Variants in CFAP91 observed in about 807,000 individuals in gnomAD.
CFAP91 encodes cilia and flagella associated protein 91, also known as cilia- and flagella-associated protein 91.
A neutral mutation model predicts 95.9 loss-of-function variants in CFAP91; 85 were observed. The observed-to-expected ratio is 0.89, with a 90% CI of 0.74 to 1.06. The LOEUF (loss-of-function observed/expected upper bound fraction) is 1.06. Ranked by LOEUF, CFAP91 falls within the 50% of genes least tolerant of loss-of-function variation. The pLI is 0.00. For synonymous variants in CFAP91, 335 were observed against 327.5 expected (o/e 1.02, Z -0.25); for missense variants, 962 against 943.4 (o/e 1.02, Z -0.26).
chr3:119,712,601 CAT>C (rs1172890347), intron 5 of CFAP91, among the ~76,000 whole-genome samples: 62 of 152,216 alleles, frequency 4.1e-4, no homozygotes, highest in African/African-American at 1.5e-3. Context: ...ATATTATCTA[CAT>C]GTTAGAAATT....
chr3:119,757,359 T>A (rs866184333), intron 17 of CFAP91, among the ~76,000 whole-genome samples: 4 of 152,208 alleles, frequency 2.6e-5, no homozygotes, highest in African/African-American at 9.6e-5. Flanking sequence ...AAATGAAATA[T>A]TTGGCTGGGT....
At chr3:119,723,633 T>C (rs2053725853) in intron 6 of CFAP91, among the ~76,000 whole-genome samples, 1 of 152,204 alleles carries the variant, frequency 6.6e-6, no homozygotes, top group Non-Finnish European at 1.5e-5. Context: ...AAATATTAAA[T>C]AAACATCAGT....
Position 119,766,370 on chromosome 3 carries a change from C to T in CFAP91, c.*1320C>T, listed in dbSNP as rs1008138482. ...CAAACTTGAAAGGGTTCACCTTGCC[C>T]TAGCAAAACTAGGATTGGGACACCT... On this transcript the variant is annotated 3_prime_UTR_variant, in exon 18 of 18. Transcript: ENST00000273390. 6.6e-6 allele frequency: 1 copy of T among 151,928 alleles called. No individual in the cohort carries two copies. Among genetic ancestry groups the T allele is most frequent in the Non-Finnish European group, 1.5e-5 (1 of 67,996 alleles). 9.4% of individuals were successfully genotyped at this position (151,928 alleles called of 1,614,324 possible).
At chr3:119,745,487 T>C (rs921496488) in intron 14 of CFAP91, among the ~76,000 whole-genome samples, 1 of 152,220 alleles carries the variant, frequency 6.6e-6, no homozygotes, top group Non-Finnish European at 1.5e-5. Context: ...GCCACACTTT[T>C]CCTTATTCAC....
chr3:119,706,964 T>A, intron 2 of CFAP91, 79 bp downstream of exon 2: 1 of 1,091,068 alleles, frequency 9.2e-7, no homozygotes, highest in Non-Finnish European at 1.4e-6. Flanking sequence ...TCAGATTGAC[T>A]AATCACCAAA....
chr3:119,746,780 A>G (rs1240970995), intron 14 of CFAP91, among the ~76,000 whole-genome samples: 2 of 152,214 alleles, frequency 1.3e-5, no homozygotes, highest in African/African-American at 2.4e-5. Flanking sequence ...TAGTTTGACC[A>G]AGTCACGTTG....
rs753217599 is a variant in CFAP91, at chr3:119,740,622, A to C, written c.1607A>C (p.Glu536Ala). The C allele has an allele frequency of 6.2e-7, 1 of 1,614,218 alleles. No homozygotes were observed. Among genetic ancestry groups the C allele is most frequent in the Non-Finnish European group, 8.5e-7 (1 of 1,180,044 alleles). ...LRTCHALQED[E>A]KLVKKAEKQV... ...ACCTGCCACGCACTACAAGAAGATG[A>C]AAAGCTGGTGAAAAAAGCCGAGAAG... Residue 536 changes from glutamate (E) to alanine (A), a missense_variant, in exon 13 of 18, where the codon GAA (glutamate) becomes GCA (alanine). Glu to Ala is a moderately radical substitution (Grantham distance 107, BLOSUM62 -1). Transcript: ENST00000273390.
intron 17 of CFAP91, among the ~76,000 whole-genome samples, chr3:119,758,444 T>C (rs1486883901): frequency 6.6e-6 from 1 of 152,206 alleles, no homozygotes; most frequent in Non-Finnish European, 1.5e-5. Flanking sequence ...CATTCCTACA[T>C]ATATTTGCAT....
rs2054641659 is a variant in CFAP91 at position 119,766,979 on chromosome 3, T to C, written c.*1929T>C. ...TTGAAGTTTACTAGGAGAGGAAAACTTTTTCTTGATACCGGCAATCTTTTA... is the reference window on the plus strand; with the variant it reads ...TTGAAGTTTACTAGGAGAGGAAAACCTTTTCTTGATACCGGCAATCTTTTA... On this transcript the variant is annotated 3_prime_UTR_variant, in exon 18 of 18. Coordinates refer to ENST00000273390, the MANE Select transcript of CFAP91 (RefSeq NM_033364.4). 6.6e-6 allele frequency: 1 copy of C among 152,200 alleles called. No homozygotes were observed. The highest frequency in any genetic ancestry group is 2.1e-4 in the South Asian group (1 of 4,826). The allele number at this position is 152,200 out of a possible 1,614,324, so 9.4% of individuals were successfully genotyped here.
Position 119,707,561 on chromosome 3 carries a change from C to G in CFAP91, c.359C>G (p.Thr120Arg). The G allele has an allele frequency of 6.4e-7, 1 of 1,560,150 alleles. No homozygotes were observed. The highest frequency in any genetic ancestry group is 8.7e-7 in the Non-Finnish European group (1 of 1,143,844). ...KHREALRQLT[T>R]TDASFQMPKE... ...AGAGAAGCCCTCCGGCAGCTCACCA[C>G]GTAAGTGTCGGGTGGCTCCAGGGCC... The change falls in exon 3 of 18, where the codon ACA becomes AGA. Residue 120 changes from threonine (T) to arginine (R), a missense_variant and splice_region_variant. By Grantham distance (71) the Thr-to-Arg change is moderately conservative (BLOSUM62 -1). Transcript: ENST00000273390.
Position 119,747,228 on chromosome 3 carries a change from G to A in CFAP91, c.2016G>A (p.Glu672=). ...GGGCAGAAATAGAGAAGATGGCTGA[G>A]AAAATCAATGACATTGCTTATGAAA... ...QARAEIEKMA[E]KINDIAYEME... is the part of the protein sequence containing the mutation. Residue 672 remains glutamate, a synonymous_variant, in exon 15 of 18, where the codon GAG becomes GAA. Coordinates refer to ENST00000273390, the MANE Select transcript of CFAP91 (RefSeq NM_033364.4). 1 of 1,613,638 alleles carries A rather than the reference G, an allele frequency of 6.2e-7. No homozygotes were observed. Among genetic ancestry groups the A allele is most frequent in the South Asian group, 1.1e-5 (1 of 90,972 alleles).
At chr3:119,750,108 G>A (rs1382144923) in intron 16 of CFAP91, 2 of 152,166 alleles carry the variant, frequency 1.3e-5, no homozygotes, top group African/African-American at 4.8e-5. Flanking sequence ...AAACTGCTGA[G>A]TGAATTACCC....
At chr3:119,746,207 G>T (rs1382894342) in intron 14 of CFAP91, among the ~76,000 whole-genome samples, 1 of 152,234 alleles carries the variant, frequency 6.6e-6, no homozygotes, top group African/African-American at 2.4e-5. Flanking sequence ...GGTAAAGGAA[G>T]AAACCATGGT....
chr3:119,742,182 C>T (rs372279491), intron 13 of CFAP91, among the ~76,000 whole-genome samples: 39 of 152,262 alleles, frequency 2.6e-4, no homozygotes, highest in African/African-American at 7.9e-4. Flanking sequence ...ATCGTGTCCG[C>T]CTACAGCTAA....
intron 17 of CFAP91, among the ~76,000 whole-genome samples, chr3:119,753,086 A>G (rs1432506425): frequency 4.6e-5 from 7 of 152,180 alleles, no homozygotes; most frequent in African/African-American, 1.7e-4. Context: ...TTGAACAGAG[A>G]GCTAATAAAG....
At chr3:119,753,775 C>A (rs769765447) in intron 17 of CFAP91, among the ~76,000 whole-genome samples, 83 of 152,326 alleles carry the variant, frequency 5.4e-4, no homozygotes, top group Non-Finnish European at 2.6e-4. Context: ...GCAGTATACA[C>A]TGCACCATAT....
At chr3:119,713,550 T>C (rs2107860842) in intron 5 of CFAP91, among the ~76,000 whole-genome samples, 2 of 152,276 alleles carry the variant, frequency 1.3e-5, no homozygotes, top group Middle Eastern at 6.8e-3. Context: ...TTTATGTAAT[T>C]TAATCAATGC....
At chr3:119,724,163 C>G (rs537260040) in intron 6 of CFAP91, among the ~76,000 whole-genome samples, 65 of 120,318 alleles carry the variant, frequency 5.4e-4, no homozygotes, top group Non-Finnish European at 1.0e-3. Flanking sequence ...AGCAAGACTT[C>G]ATCTCAAAAA....
chr3:119,742,404 C>T (rs939079795), intron 13 of CFAP91, among the ~76,000 whole-genome samples: 4 of 152,232 alleles, frequency 2.6e-5, no homozygotes, highest in African/African-American at 7.2e-5. Flanking sequence ...TTACGTAACA[C>T]AGTACTTTCT....
Sources: allele counts gnomAD v4.1 joint callset (sites outside exome capture counted in the v4.1 genomes callset), GRCh38; gene constraint gnomAD v4.1.1; transcripts MANE v1.5; gene names NCBI Gene and HGNC (gene_info 2026-07-23, HGNC 2026-07-21).